MYO5A: variants seen among roughly 807,000 people sequenced by gnomAD.
MYO5A encodes myosin VA.
In MYO5A, 98 loss-of-function variants were observed where a neutral mutation model predicts 249.7. The observed-to-expected ratio is 0.39, with a 90% CI of 0.33 to 0.46. The LOEUF is 0.46. Among genes scored for constraint, MYO5A ranks in the 20% least tolerant of loss-of-function variants. The probability of loss-of-function intolerance (pLI) is 0.98; values close to 1 mark genes in which losing one functional copy is unlikely to be tolerated. For missense variants in MYO5A, 1,696 were observed against 2,308.8 expected (o/e 0.73, Z 5.44); for synonymous variants, 778 against 810.6 (o/e 0.96, Z 0.68).
chr15:52,313,098 G>T lies in MYO5A; in HGVS notation c.*598C>A, dbSNP rs1054239498. 5.2e-5 allele frequency: 8 copies of T among 154,202 alleles called. No homozygotes were observed. Among genetic ancestry groups the T allele is most frequent in the Non-Finnish European group, 1.2e-4 (8 of 69,118 alleles). The allele number at this position is 154,202 out of a possible 1,614,324, so 9.6% of individuals were successfully genotyped here. A position where few individuals can be genotyped will look rare whatever the true frequency, so the allele number is the denominator to read the frequency against. On this transcript the variant is annotated 3_prime_UTR_variant, in exon 42 of 42. Coordinates refer to ENST00000399233, the MANE Select transcript of MYO5A (RefSeq NM_001382347.1). The stretch of plus-strand genomic sequence containing the variant: ...TGCTCAGTAAACTATAGTACAAATG[G>T]ACATCTATACTATTTAGCAAACCAA...
At chr15:52,508,853 A>G (rs2077329920) in intron 1 of MYO5A, among the ~76,000 whole-genome samples, 1 of 152,198 alleles carries the variant, frequency 6.6e-6, no homozygotes, top group African/African-American at 2.4e-5. Context: ...ATTTTCAACA[A>G]TACAATGAAA....
chr15:52,390,093 T>C (rs1595579316), intron 12 of MYO5A, among the ~76,000 whole-genome samples: 1 of 152,238 alleles, frequency 6.6e-6, no homozygotes, highest in South Asian at 2.1e-4. Flanking sequence ...ATTAAAGCAA[T>C]TGAACCTATG....
rs56842960 is a variant in MYO5A at position 52,450,843 on chromosome 15, GTTTTT to G, written c.28-17563_28-17559del. On this transcript the variant is annotated intron_variant, in intron 1 of 41. Coordinates refer to ENST00000399233, the MANE Select transcript of MYO5A (RefSeq NM_001382347.1). ...CTTATGATTAGATTGCACTACTGTG[GTTTTT>G]TTTTTTTTTTTTTTTTTGTGACAGG... is the stretch of plus-strand genomic sequence containing the variant. Among the ~76,000 whole-genome samples, 3 of 84,590 alleles carry G rather than the reference GTTTTT, an allele frequency of 3.5e-5. No homozygotes were observed. The Admixed American group carries it at 4.3e-4, about 12-fold the overall frequency. 55.5% of individuals were successfully genotyped at this position (84,590 alleles called of 152,430 possible).
At chr15:52,390,975 T>C (rs1340793217) in intron 12 of MYO5A, among the ~76,000 whole-genome samples, 1 of 152,202 alleles carries the variant, frequency 6.6e-6, no homozygotes, top group African/African-American at 2.4e-5. Flanking sequence ...TACTAGGTTG[T>C]TACTGATTTT....
In MYO5A at chr15:52,317,035, A is replaced by G. The variant is rs529126477; in HGVS notation, c.5409+13T>C. On this transcript the variant is annotated intron_variant, in intron 40 of 41. Coordinates refer to ENST00000399233, the MANE Select transcript of MYO5A (RefSeq NM_001382347.1). ...AATGTTAAATTATTTTGTAACAGGGAAAGTTGCTCTACCTGGGCAGTAGTT... is the reference window on the plus strand; with the variant it reads ...AATGTTAAATTATTTTGTAACAGGGGAAGTTGCTCTACCTGGGCAGTAGTT... 2 of 1,609,874 alleles carry G rather than the reference A, an allele frequency of 1.2e-6. No individual in the cohort carries two copies. Among genetic ancestry groups the G allele is most frequent in the Admixed American group, 1.7e-5 (1 of 60,020 alleles).
chr15:52,515,302 G>A (rs545211025), intron 1 of MYO5A, among the ~76,000 whole-genome samples: 1 of 150,566 alleles, frequency 6.6e-6, no homozygotes, highest in South Asian at 2.1e-4. Context: ...AAGAAAGAAA[G>A]AAAAAAAAGA....
At chr15:52,485,462 C>T (rs1215521561) in intron 1 of MYO5A, among the ~76,000 whole-genome samples, 7 of 152,102 alleles carry the variant, frequency 4.6e-5, no homozygotes, top group Admixed American at 4.6e-4. Context: ...TGCACGAGAC[C>T]TCTGATTAGA....
intron 1 of MYO5A, among the ~76,000 whole-genome samples, chr15:52,483,726 C>A (rs918152436): frequency 6.6e-6 from 1 of 152,138 alleles, no homozygotes; most frequent in Non-Finnish European, 1.5e-5. Flanking sequence ...GGCAAGAATG[C>A]GAAGGTCCAT....
At chr15:52,340,418 G>T (rs1158663829) in intron 31 of MYO5A, 24 bp from the exon 32 acceptor site, 6 of 1,607,048 alleles carry the variant, frequency 3.7e-6, no homozygotes, top group Non-Finnish European at 5.1e-6. Context: ...ACATGGGTCG[G>T]AAGGGGAGAC....
intron 1 of MYO5A, among the ~76,000 whole-genome samples, chr15:52,468,622 A>G (rs1328134783): frequency 2.0e-5 from 3 of 152,214 alleles, no homozygotes; most frequent in African/African-American, 7.2e-5. Context: ...GTGATTTATG[A>G]TCATGCCAGT....
At chr15:52,497,560 C>A (rs1479211429) in intron 1 of MYO5A, among the ~76,000 whole-genome samples, 2 of 150,838 alleles carry the variant, frequency 1.3e-5, no homozygotes, top group South Asian at 2.1e-4. Context: ...AGTTCGTGAC[C>A]AGCCTGGGCA....
intron 25 of MYO5A, among the ~76,000 whole-genome samples, chr15:52,355,172 C>T (rs2040155981): frequency 6.6e-6 from 1 of 152,046 alleles, no homozygotes; most frequent in African/African-American, 2.4e-5. Flanking sequence ...ATATGAAATG[C>T]CAGCATAAAT....
chr15:52,325,608 T>A (rs976718126), intron 36 of MYO5A, among the ~76,000 whole-genome samples: 1 of 151,798 alleles, frequency 6.6e-6, no homozygotes, highest in Non-Finnish European at 1.5e-5. Flanking sequence ...CGCAATGTTG[T>A]CAGGGTTGGT....
chr15:52,366,441 G>A (rs1190081504), intron 23 of MYO5A, among the ~76,000 whole-genome samples: 2 of 151,156 alleles, frequency 1.3e-5, no homozygotes, highest in African/African-American at 4.9e-5. Flanking sequence ...TTACTGTATA[G>A]ATCTGTATCT....
rs189337046 is a variant in MYO5A at position 52,516,592 on chromosome 15, G to A, written c.27+12188C>T. Among the ~76,000 whole-genome samples the A allele has an allele frequency of 2.1e-3, 322 of 152,268 alleles. 5 individuals are homozygous for A. Among genetic ancestry groups the A allele is most frequent in the Admixed American group, 0.015 (237 of 15,294 alleles). On this transcript the variant is annotated intron_variant, in intron 1 of 41. Transcript: ENST00000399233. Reference sequence around the variant, plus strand: ...TCCTTCGGAAGGGCTGCTACACACGGCAATGACCTGAAGGCCTCACTAATC... The same window carrying A: ...TCCTTCGGAAGGGCTGCTACACACGACAATGACCTGAAGGCCTCACTAATC...
chr15:52,390,749 G>A (rs991052304), intron 12 of MYO5A, among the ~76,000 whole-genome samples: 42 of 151,568 alleles, frequency 2.8e-4, no homozygotes, highest in Non-Finnish European at 5.3e-4. Flanking sequence ...TTTTGTAGAC[G>A]GGGTTTCACC....
chr15:52,326,820 C>G (rs957025419), intron 36 of MYO5A, among the ~76,000 whole-genome samples: 1 of 152,100 alleles, frequency 6.6e-6, no homozygotes, highest in African/African-American at 2.4e-5. Context: ...TAAAAGCTCT[C>G]GTTAAGTTTG....
chr15:52,458,450 T>C (rs1436045051), intron 1 of MYO5A, among the ~76,000 whole-genome samples: 2 of 151,900 alleles, frequency 1.3e-5, no homozygotes, highest in Non-Finnish European at 2.9e-5. Context: ...CATGGTGGCA[T>C]CTTTACAAAA....
chr15:52,474,181 GCTCT>G (rs1386734779), intron 1 of MYO5A, among the ~76,000 whole-genome samples: 5 of 152,086 alleles, frequency 3.3e-5, no homozygotes, highest in African/African-American at 4.8e-5. Context: ...TCATGATTTG[GCTCT>G]CTGTTTGTCT....
Sources: gnomAD v4.1 joint callset for allele counts (sites outside exome capture counted in the v4.1 genomes callset) on GRCh38, gnomAD v4.1.1 for gene constraint, MANE v1.5 for transcripts, NCBI Gene and HGNC (gene_info 2026-07-23, HGNC 2026-07-21) for gene names.